The following SUCO variants were observed in gnomAD, a reference collection of about 807,000 sequenced individuals.
SUCO encodes SUN domain-containing ossification factor.
SUCO carries 57 observed loss-of-function variants against 148.1 expected under a neutral mutation model. The ratio of observed to expected loss-of-function variants is 0.38; its 90% confidence interval spans 0.31 to 0.48. The LOEUF is 0.48. Among genes scored for constraint, SUCO ranks in the 20% least tolerant of loss-of-function variants. The pLI is 0.96. For missense variants in SUCO, 1,331 were observed against 1,468.2 expected, an observed-to-expected ratio of 0.91 and a Z score of 1.53; for synonymous variants, 470 against 502.7, an observed-to-expected ratio of 0.93 and a Z score of 0.87.
At chr1:172,562,337 T>A (rs1049976029) in intron 6 of SUCO, among the ~76,000 whole-genome samples, 9 of 151,066 alleles carry the variant, frequency 6.0e-5, no homozygotes, top group Non-Finnish European at 1.2e-4. Flanking sequence ...ATTTTTTTTT[T>A]TTTTTTTTTT....
At chr1:172,564,710 A>G (rs1040725607) in intron 6 of SUCO, among the ~76,000 whole-genome samples, 6 of 152,020 alleles carry the variant, frequency 3.9e-5, no homozygotes, top group African/African-American at 1.5e-4. Flanking sequence ...GAATAACTGG[A>G]CATTTTACTT....
chr1:172,608,926 T>A, intron 23 of SUCO, 124 bp downstream of exon 23: 1 of 710,572 alleles, frequency 1.4e-6, no homozygotes, highest in Non-Finnish European at 2.4e-6. Context: ...TTTTCTATCA[T>A]GATAATGTTG....
At chr1:172,557,100 G>T in intron 4 of SUCO, 180 bp from the exon 5 acceptor site, 1 of 980,910 alleles carries the variant, frequency 1.0e-6, no homozygotes, top group Non-Finnish European at 1.2e-6. Context: ...CTCATATTTG[G>T]TAAGTAGTTA....
Position 172,589,196 on chromosome 1 carries a change from C to G in SUCO, c.2095C>G (p.Leu699Val). The G allele has an allele frequency of 6.2e-7, 1 of 1,613,994 alleles. No homozygotes were observed. The highest frequency in any genetic ancestry group is 1.1e-5 in the South Asian group (1 of 91,066). ...AGAAAGGGAAGCTGAAACTGTTGTT[C>G]TGGGTGATTTAAGTAGTAGTATGCA... ...NIEREAETVV[L>V]GDLSSSMHQD... is the part of the protein sequence containing the mutation. Residue 699 changes from leucine (L) to valine (V), a missense_variant, in exon 18 of 24, where the codon CTG becomes GTG. By Grantham distance (32) the Leu-to-Val change is conservative. Coordinates refer to ENST00000263688, the MANE Select transcript of SUCO (RefSeq NM_014283.5).
chr1:172,593,556 T>C (rs1021990997), intron 19 of SUCO, among the ~76,000 whole-genome samples: 1 of 152,244 alleles, frequency 6.6e-6, no homozygotes, highest in African/African-American at 2.4e-5. Context: ...TCTTTGGTTC[T>C]GTTTATATGA....
chr1:172,589,493 A>C lies in SUCO; in HGVS notation c.2392A>C (p.Lys798Gln). The C allele has an allele frequency of 6.2e-7, 1 of 1,611,210 alleles. No homozygotes were observed. The highest frequency in any genetic ancestry group is 8.5e-7 in the Non-Finnish European group (1 of 1,178,920). Residue 798 changes from lysine to glutamine, a missense_variant, in exon 18 of 24, where the codon AAA (lysine) becomes CAA (glutamine). Lys to Gln is a moderately conservative substitution (Grantham distance 53). This residue lies in a region of SUCO where 992 missense variants were observed against 1,093.5 expected (regional missense o/e 0.91). Coordinates refer to ENST00000263688, the MANE Select transcript of SUCO (RefSeq NM_014283.5). The part of the protein sequence containing the change: ...EKPSITYETN[K>Q]VNELMDNIIK... ...ACCATCTATTACCTATGAAACAAAT[A>C]AAGTTAATGAGTTAATGGATAATAT...
At chr1:172,586,645 A>G (rs1293553632) in intron 17 of SUCO, among the ~76,000 whole-genome samples, 1 of 152,154 alleles carries the variant, frequency 6.6e-6, no homozygotes, top group African/African-American at 2.4e-5. Context: ...ACTCCCTACA[A>G]AACTTTGCAA....
chr1:172,591,150 TATTGTAGTTTC>T, intron 19 of SUCO, 79 bp downstream of exon 19: 1 of 1,053,864 alleles, frequency 9.5e-7, no homozygotes. Context: ...AAACAGTAAG[TATTGTAGTTTC>T]ACTTTTTCCC....
chr1:172,584,008 T>A (rs1656063277), intron 15 of SUCO, among the ~76,000 whole-genome samples: 1 of 152,188 alleles, frequency 6.6e-6, no homozygotes, highest in African/African-American at 2.4e-5. Flanking sequence ...AACACTTTGT[T>A]TTATGACCTT....
chr1:172,553,419 T>C (rs1281300189), intron 3 of SUCO, 49 bp downstream of exon 3: 1 of 1,351,788 alleles, frequency 7.4e-7, no homozygotes, highest in Admixed American at 2.0e-5. Context: ...TCAAACTACT[T>C]TACAAGATTG....
chr1:172,609,339 C>G (rs981608167), intron 23 of SUCO: 19 of 984,806 alleles, frequency 1.9e-5, no homozygotes, highest in Non-Finnish European at 2.3e-5. Flanking sequence ...GTAATTTCAT[C>G]TAGGTGAAAG....
At position 172,573,913 on chromosome 1, in the gene SUCO, C is replaced by T; in HGVS notation, c.1072C>T (p.Pro358Ser). Residue 358 changes from proline to serine, a missense_variant, in exon 10 of 24, where the codon CCA becomes TCA. By Grantham distance (74) the Pro-to-Ser change is moderately conservative. Coordinates refer to ENST00000263688, the MANE Select transcript of SUCO (RefSeq NM_014283.5). The stretch of plus-strand genomic sequence containing the variant: ...AAGGTTTGTTATTGAACTTTGTGAA[C>T]CAATTCAAGTAAAACAGCTTGATAT... ...KIWFVIELCE[P>S]IQVKQLDIAN... The T allele has an allele frequency of 1.3e-6, 2 of 1,592,490 alleles. No homozygotes were observed. The highest frequency in any genetic ancestry group is 1.7e-6 in the Non-Finnish European group (2 of 1,164,250).
intron 15 of SUCO, among the ~76,000 whole-genome samples, chr1:172,582,237 G>T (rs1655927813): frequency 6.6e-6 from 1 of 151,992 alleles, no homozygotes; most frequent in Admixed American, 6.6e-5. Flanking sequence ...AGTATTTTTT[G>T]TGGAAAAAAA....
chr1:172,569,670 C>G (rs1289743880), intron 7 of SUCO, among the ~76,000 whole-genome samples: 1 of 151,750 alleles, frequency 6.6e-6, no homozygotes. Context: ...CAAACCTGCA[C>G]ATCTTGCGTG....
chr1:172,557,628 T>C lies in SUCO; in HGVS notation c.582-16T>C, dbSNP rs757522527. 15 of 1,571,956 alleles carry C rather than the reference T, an allele frequency of 9.5e-6. No individual in the cohort carries two copies. On this transcript the variant is annotated splice_polypyrimidine_tract_variant and intron_variant, in intron 5 of 23. Transcript: ENST00000263688. ...GTAAAATCTGTTTATTTAATATATC[T>C]TTTGGTTTTAAACAGCCTTGTTGGC... is the stretch of plus-strand genomic sequence containing the variant.
intron 15 of SUCO, among the ~76,000 whole-genome samples, chr1:172,580,686 A>C (rs1000410418): frequency 9.2e-5 from 14 of 152,184 alleles, no homozygotes; most frequent in Non-Finnish European, 2.1e-4. Context: ...TAGGTACTGG[A>C]AAAAAGAGGA....
chr1:172,583,394 T>C (rs1007646916), intron 15 of SUCO, among the ~76,000 whole-genome samples: 2 of 152,190 alleles, frequency 1.3e-5, no homozygotes, highest in Non-Finnish European at 2.9e-5. Flanking sequence ...ACCACTGCTT[T>C]GTTGACTTTC....
intron 1 of SUCO, among the ~76,000 whole-genome samples, chr1:172,542,323 G>A (rs1174970664): frequency 1.3e-5 from 2 of 151,988 alleles, no homozygotes; most frequent in Admixed American, 6.5e-5. Flanking sequence ...CGGAGGTTGC[G>A]GTGAACCAAG....
chr1:172,609,940 A>C lies in SUCO; in HGVS notation c.3446A>C (p.Asn1149Thr). 1 of 1,613,962 alleles carries C rather than the reference A, an allele frequency of 6.2e-7. No homozygotes were observed. Residue 1149 changes from asparagine (N) to threonine (T), a missense_variant, in exon 24 of 24, where the codon AAT becomes ACT. Physicochemically the swap from Asn to Thr is moderately conservative, Grantham distance 65. Coordinates refer to ENST00000263688, the MANE Select transcript of SUCO (RefSeq NM_014283.5). ...TTTACGAACCAGAGAGATTTTTCTA[A>C]TATGGGAGAAGTTTATCACTCTTCT... ...KPFTNQRDFSNMGEVYHSSYK... is the reference protein window; with the variant it reads ...KPFTNQRDFSTMGEVYHSSYK...
Sources: allele counts gnomAD v4.1 joint callset (sites outside exome capture counted in the v4.1 genomes callset), GRCh38; gene constraint gnomAD v4.1.1; regional missense constraint gnomAD v4.1.1; transcripts MANE v1.5; gene names NCBI Gene and HGNC (gene_info 2026-07-23, HGNC 2026-07-21).